LSAMP: variants seen among roughly 807,000 people sequenced by gnomAD.
LSAMP encodes the protein limbic system-associated membrane protein.
In LSAMP, 7 loss-of-function variants were observed where a neutral mutation model predicts 38.6. The observed-to-expected ratio is 0.18, with a 90% CI of 0.10 to 0.34. LSAMP has a LOEUF of 0.34. Ranked by LOEUF, LSAMP falls within the 10% of genes least tolerant of loss-of-function variation. The probability of loss-of-function intolerance (pLI) is 1.00; values close to 1 mark genes in which losing one functional copy is unlikely to be tolerated. For synonymous variants in LSAMP, 154 were observed against 166.8 expected, an observed-to-expected ratio of 0.92 and a Z score of 0.59; for missense variants, 313 against 420.0, an observed-to-expected ratio of 0.75 and a Z score of 2.23.
intron 3 of LSAMP, among the ~76,000 whole-genome samples, chr3:115,924,209 G>A (rs956520229): frequency 1.1e-4 from 16 of 152,252 alleles, no homozygotes; most frequent in South Asian, 1.0e-3. Context: ...GAAATGGTAA[G>A]CTCCTTGCCC....
chr3:116,407,299 AT>A (rs1188819295), intron 1 of LSAMP, among the ~76,000 whole-genome samples: 1 of 152,140 alleles, frequency 6.6e-6, no homozygotes, highest in Non-Finnish European at 1.5e-5. Context: ...CTAAAAGACT[AT>A]TTTGAATAAA....
intron 1 of LSAMP, among the ~76,000 whole-genome samples, chr3:116,157,821 T>C (rs1241446827): frequency 6.6e-6 from 1 of 151,642 alleles, no homozygotes; most frequent in Non-Finnish European, 1.5e-5. Context: ...TTCCAAAAAA[T>C]TGAAGAGGAA....
chr3:115,892,733 CAG>C (rs1469590688), intron 3 of LSAMP, among the ~76,000 whole-genome samples: 1 of 151,358 alleles, frequency 6.6e-6, no homozygotes, highest in African/African-American at 2.4e-5. Flanking sequence ...AAATTATAAA[CAG>C]AGGATATAGC....
intron 3 of LSAMP, among the ~76,000 whole-genome samples, chr3:115,888,574 G>GGAT (rs1227536616): frequency 2.0e-5 from 3 of 151,804 alleles, no homozygotes; most frequent in Non-Finnish European, 4.4e-5. Flanking sequence ...AAGAAGTTAG[G>GGAT]GATATACTCA....
intron 1 of LSAMP, among the ~76,000 whole-genome samples, chr3:116,091,111 G>C (rs1458998124): frequency 6.6e-6 from 1 of 152,200 alleles, no homozygotes; most frequent in East Asian, 1.9e-4. Flanking sequence ...CCAGTTCAGA[G>C]ACCTACCCCC....
chr3:115,859,034 A>T (rs533423087), intron 3 of LSAMP, among the ~76,000 whole-genome samples: 1 of 152,334 alleles, frequency 6.6e-6, no homozygotes, highest in South Asian at 2.1e-4. Flanking sequence ...AGAGAAAGAA[A>T]CACAAGAAAT....
intron 1 of LSAMP, among the ~76,000 whole-genome samples, chr3:116,316,425 C>T (rs1470813580): frequency 6.6e-6 from 1 of 151,912 alleles, no homozygotes; most frequent in Non-Finnish European, 1.5e-5. Flanking sequence ...GTTGAATAAA[C>T]GAACATATAT....
chr3:115,842,018 A>G (rs780456295), intron 5 of LSAMP, 25 bp from the exon 6 acceptor site: 10 of 1,595,796 alleles, frequency 6.3e-6, no homozygotes, highest in Non-Finnish European at 8.5e-6. Context: ...ACAGAAGAAT[A>G]GAAAGGATCA....
intron 1 of LSAMP, among the ~76,000 whole-genome samples, chr3:116,190,403 C>A (rs926040648): frequency 6.6e-6 from 1 of 151,952 alleles, no homozygotes; most frequent in African/African-American, 2.4e-5. Flanking sequence ...GAAGGACTTA[C>A]GAAGCCCTGA....
chr3:116,415,803 T>C (rs1220024626), intron 1 of LSAMP, among the ~76,000 whole-genome samples: 3 of 152,066 alleles, frequency 2.0e-5, no homozygotes. Flanking sequence ...AAATGAAAGA[T>C]TCTGGACTAT....
chr3:116,048,237 A>G (rs1225417824), intron 2 of LSAMP, among the ~76,000 whole-genome samples: 4 of 152,246 alleles, frequency 2.6e-5, no homozygotes. Context: ...TTCACTTCAT[A>G]AAGTTAACAA....
At chr3:115,915,506 A>C (rs751178416) in intron 3 of LSAMP, among the ~76,000 whole-genome samples, 134 of 152,332 alleles carry the variant, frequency 8.8e-4, no homozygotes, top group Admixed American at 1.6e-3. Flanking sequence ...TAAAGGCTGG[A>C]ATGATTTAAG....
chr3:116,316,663 C>T (rs1474561467), intron 1 of LSAMP, among the ~76,000 whole-genome samples: 4 of 150,284 alleles, frequency 2.7e-5, no homozygotes, highest in South Asian at 2.1e-4. Context: ...CCCAGCTACT[C>T]AGGAGGCTGA....
At chr3:116,413,613 C>A (rs2049008363) in intron 1 of LSAMP, among the ~76,000 whole-genome samples, 1 of 151,996 alleles carries the variant, frequency 6.6e-6, no homozygotes, top group East Asian at 1.9e-4. Flanking sequence ...TAAATTGAAT[C>A]AGCACCAAAG....
rs138884842 is a variant in LSAMP, at chr3:115,841,776, G to A, written c.919+69C>T. On this transcript the variant is annotated intron_variant, in intron 6 of 6. Transcript: ENST00000490035. ...TGAACTTTTAATAGCTAAGGGAATG[G>A]TTTTCACGTTTTTCATGTGAAAAGT... 1.4e-4 allele frequency: 210 copies of A among 1,517,564 alleles called. No individual in the cohort carries two copies. In the African/African-American group the frequency reaches 1.8e-3, roughly 13 times the overall value. 94.0% of individuals were successfully genotyped at this position (1,517,564 alleles called of 1,614,324 possible). A position where few individuals can be genotyped will look rare whatever the true frequency, so the allele number is the denominator to read the frequency against.
chr3:115,988,276 CAT>C (rs1939570968), intron 3 of LSAMP, among the ~76,000 whole-genome samples: 1 of 152,080 alleles, frequency 6.6e-6, no homozygotes, highest in South Asian at 2.1e-4. Context: ...CTTAAAATCA[CAT>C]AGTTAACTCT....
intron 1 of LSAMP, among the ~76,000 whole-genome samples, chr3:116,312,697 A>G (rs1424576231): frequency 6.6e-6 from 1 of 152,148 alleles, no homozygotes; most frequent in Admixed American, 6.5e-5. Context: ...TACCCACGCT[A>G]TGGGATGTCT....
intron 6 of LSAMP, among the ~76,000 whole-genome samples, chr3:115,818,695 C>G (rs1026707036): frequency 6.9e-6 from 1 of 145,368 alleles, no homozygotes. Context: ...AAAAATACAT[C>G]TTAACAAGTA....
chr3:116,196,953 C>G (rs190407295), intron 1 of LSAMP, among the ~76,000 whole-genome samples: 165 of 152,184 alleles, frequency 1.1e-3, no homozygotes, highest in African/African-American at 3.8e-3. Context: ...GTCTCTCATT[C>G]GTTATTCTCT....
Sources: gnomAD v4.1 joint callset for allele counts (sites outside exome capture counted in the v4.1 genomes callset) on GRCh38, gnomAD v4.1.1 for gene constraint, MANE v1.5 for transcripts, NCBI Gene and HGNC (gene_info 2026-07-23, HGNC 2026-07-21) for gene names.